LRCH3: variants seen among roughly 807,000 people sequenced by gnomAD.
LRCH3 encodes the protein DISP complex protein LRCH3.
LRCH3 carries 68 observed loss-of-function variants against 104.5 expected under a neutral mutation model. That is an observed-to-expected ratio of 0.65 (90% CI 0.54 to 0.80). The LOEUF (loss-of-function observed/expected upper bound fraction) is 0.80. Among genes scored for constraint, LRCH3 ranks in the 30% least tolerant of loss-of-function variants. LRCH3 has a pLI of 0.00. For missense variants in LRCH3, 951 were observed against 953.9 expected (o/e 1.00, Z 0.04); for synonymous variants, 344 against 361.3 (o/e 0.95, Z 0.54).
rs575139234 is a variant in LRCH3 at position 197,829,704 on chromosome 3, A to G, written c.887+31A>G. 4.0e-5 allele frequency: 58 copies of G among 1,448,834 alleles called. No individual in the cohort carries two copies. In the South Asian group the frequency reaches 6.5e-4, roughly 16 times the overall value. 89.7% of individuals were successfully genotyped at this position (1,448,834 alleles called of 1,614,324 possible). A position where few individuals can be genotyped will look rare whatever the true frequency, so the allele number is the denominator to read the frequency against. On this transcript the variant is annotated intron_variant, in intron 6 of 20. Coordinates refer to ENST00000425562, the MANE Select transcript of LRCH3 (RefSeq NM_001365715.1). ...TATATTCTGTCCCTTTATCTATCAT[A>G]TTTTTTGTACAGAGAATCAAATAAA...
At position 197,854,595 on chromosome 3, in the gene LRCH3, G is replaced by T. The variant is rs1740022588; in HGVS notation, c.1644+150G>T. 2.6e-6 allele frequency: 2 copies of T among 762,200 alleles called. No homozygotes were observed. The highest frequency in any genetic ancestry group is 2.2e-6 in the Non-Finnish European group (1 of 454,248). 47.2% of individuals were successfully genotyped at this position (762,200 alleles called of 1,614,324 possible). On this transcript the variant is annotated intron_variant, in intron 14 of 20. Coordinates refer to ENST00000425562, the MANE Select transcript of LRCH3 (RefSeq NM_001365715.1). The surrounding 1 kb of genome is among the most constrained non-coding windows in gnomAD (Gnocchi z 4.5). Reference sequence around the variant, plus strand: ...AAACCATTTTCCCACATGACCATTTGTGATTGACCCAGTGTTTCAAAGTTC... The same window carrying T: ...AAACCATTTTCCCACATGACCATTTTTGATTGACCCAGTGTTTCAAAGTTC...
At chr3:197,807,202 A>AT (rs1267528598) in intron 1 of LRCH3, among the ~76,000 whole-genome samples, 2 of 151,634 alleles carry the variant, frequency 1.3e-5, no homozygotes, top group African/African-American at 4.8e-5. Flanking sequence ...GTTTCTTGTA[A>AT]ATAACATAGA....
chr3:197,804,459 A>T (rs187048832), intron 1 of LRCH3, among the ~76,000 whole-genome samples: 1 of 152,276 alleles, frequency 6.6e-6, no homozygotes, highest in Admixed American at 6.5e-5. Flanking sequence ...GAAAATAAAA[A>T]AACCTTCGTA....
At chr3:197,858,300 G>A (rs1441568082) in intron 14 of LRCH3, among the ~76,000 whole-genome samples, 3 of 152,066 alleles carry the variant, frequency 2.0e-5, no homozygotes, top group Admixed American at 6.6e-5. Context: ...TAAAGGATTC[G>A]AAGAAAAGGG....
intron 9 of LRCH3, among the ~76,000 whole-genome samples, chr3:197,837,864 T>G (rs6784273): frequency 2.6e-5 from 4 of 151,160 alleles, no homozygotes; most frequent in African/African-American, 9.8e-5. Context: ...CTGGCCAACA[T>G]GAAGAAACGC....
chr3:197,842,334 G>A (rs534768043), intron 10 of LRCH3, among the ~76,000 whole-genome samples: 4 of 152,192 alleles, frequency 2.6e-5, no homozygotes, highest in Middle Eastern at 3.4e-3. Context: ...CAAAATTCCC[G>A]CACTCCTGGA....
chr3:197,816,408 G>A (rs1375692719), intron 2 of LRCH3, among the ~76,000 whole-genome samples: 1 of 152,042 alleles, frequency 6.6e-6, no homozygotes, highest in Non-Finnish European at 1.5e-5. Context: ...AGCCTCCCGA[G>A]TAGCTGGGAT....
At chr3:197,859,022 G>T in intron 15 of LRCH3, 117 bp downstream of exon 15, 1 of 769,218 alleles carries the variant, frequency 1.3e-6, no homozygotes, top group Non-Finnish European at 2.3e-6. Flanking sequence ...AAATATACCT[G>T]TTTATGGAAC....
intron 20 of LRCH3, among the ~76,000 whole-genome samples, chr3:197,877,817 GTAGT>G (rs1020960211): frequency 1.3e-5 from 2 of 151,840 alleles, no homozygotes; most frequent in African/African-American, 4.8e-5. Context: ...ACATAAAGTG[GTAGT>G]TAGCAAACAC....
intron 1 of LRCH3, among the ~76,000 whole-genome samples, chr3:197,793,150 T>C (rs1730820048): frequency 6.6e-6 from 1 of 152,216 alleles, no homozygotes; most frequent in African/African-American, 2.4e-5. Flanking sequence ...TGCTTTGCAG[T>C]CATTAAAAAT....
At chr3:197,824,210 G>A (rs570227675) in intron 4 of LRCH3, among the ~76,000 whole-genome samples, 40 of 151,900 alleles carry the variant, frequency 2.6e-4, no homozygotes, top group South Asian at 1.3e-3. Flanking sequence ...AATTACAGGC[G>A]CCCGCCACCA....
chr3:197,815,501 C>T (rs1733702251), intron 2 of LRCH3, among the ~76,000 whole-genome samples: 1 of 151,996 alleles, frequency 6.6e-6, no homozygotes, highest in African/African-American at 2.4e-5. Context: ...TATTGCATTC[C>T]CACCATCATA....
chr3:197,808,804 T>G (rs7430548), intron 1 of LRCH3, among the ~76,000 whole-genome samples: 29,079 of 151,686 alleles, frequency 0.19, 3,584 homozygotes, highest in South Asian at 0.35. Flanking sequence ...CCTGGAAGGC[T>G]GAGGTGGGAG....
chr3:197,831,064 T>G (rs1735868689), intron 7 of LRCH3: 2 of 472,732 alleles, frequency 4.2e-6, no homozygotes, highest in Non-Finnish European at 7.7e-6. Context: ...GATTTCCGCC[T>G]GTTTCCTCAT....
chr3:197,847,900 A>C lies in LRCH3; in HGVS notation c.1409A>C (p.Gln470Pro), dbSNP rs747475176. The change falls in exon 12 of 21, where the codon CAG becomes CCG. Residue 470 changes from glutamine to proline, a missense_variant. Physicochemically the swap from Gln to Pro is moderately conservative, Grantham distance 76. Coordinates refer to ENST00000425562, the MANE Select transcript of LRCH3 (RefSeq NM_001365715.1). Reference protein sequence around the residue: ...QLSHTDLELHQRREQLVERTR... With the variant: ...QLSHTDLELHPRREQLVERTR... ...TCACACACAGACCTGGAACTTCATCAGAGAAGGGAGCAGTTAGTAGAGCGC... is the reference window on the plus strand; with the variant it reads ...TCACACACAGACCTGGAACTTCATCCGAGAAGGGAGCAGTTAGTAGAGCGC... The C allele has an allele frequency of 4.3e-6, 7 of 1,613,988 alleles. No individual in the cohort carries two copies. The highest frequency in any genetic ancestry group is 5.9e-6 in the Non-Finnish European group (7 of 1,180,008).
At chr3:197,805,351 C>T (rs143236458) in intron 1 of LRCH3, among the ~76,000 whole-genome samples, 4 of 152,286 alleles carry the variant, frequency 2.6e-5, no homozygotes, top group East Asian at 3.9e-4. Context: ...AGGAGAAGAA[C>T]GTGCAACAGA....
intron 1 of LRCH3, among the ~76,000 whole-genome samples, chr3:197,798,011 T>C (rs967892973): frequency 2.6e-5 from 4 of 152,058 alleles, no homozygotes; most frequent in Non-Finnish European, 5.9e-5. Flanking sequence ...CCTAGCACTT[T>C]AACACTTTAG....
chr3:197,821,341 T>C (rs1734466873), intron 4 of LRCH3, among the ~76,000 whole-genome samples: 1 of 152,160 alleles, frequency 6.6e-6, no homozygotes, highest in Non-Finnish European at 1.5e-5. Flanking sequence ...TAAACATTAA[T>C]GAAGTCTAGT....
intron 1 of LRCH3, among the ~76,000 whole-genome samples, chr3:197,799,920 G>C (rs1731678004): frequency 6.6e-6 from 1 of 151,900 alleles, no homozygotes; most frequent in Non-Finnish European, 1.5e-5. Flanking sequence ...AGTGGCTCAT[G>C]CCTGTAATCC....
Sources: gnomAD v4.1 joint callset for allele counts (sites outside exome capture counted in the v4.1 genomes callset) on GRCh38, gnomAD v4.1.1 for gene constraint, Gnocchi (gnomAD v3.1) non-coding constraint, MANE v1.5 for transcripts, NCBI Gene and HGNC (gene_info 2026-07-23, HGNC 2026-07-21) for gene names.